LINGO2: variants seen among roughly 807,000 people sequenced by gnomAD.
LINGO2 encodes leucine-rich repeat and immunoglobulin-like domain-containing nogo receptor-interacting protein 2.
Under a neutral mutation model 30.6 loss-of-function variants are expected in LINGO2, and 14 were observed. That is an observed-to-expected ratio of 0.46 (90% CI 0.30 to 0.72). The LOEUF is 0.72. LINGO2 is among the 30% of genes least tolerant of loss of function. The probability of loss-of-function intolerance (pLI) is 0.07; values close to 1 mark genes in which losing one functional copy is unlikely to be tolerated. For missense variants in LINGO2, 729 were observed against 751.7 expected (o/e 0.97, Z 0.35); for synonymous variants, 317 against 288.5 (o/e 1.10, Z -1.00).
intron 4 of LINGO2, among the ~76,000 whole-genome samples, chr9:28,152,312 T>C (rs537876430): frequency 1.3e-5 from 2 of 152,170 alleles, no homozygotes; most frequent in South Asian, 2.1e-4. Flanking sequence ...TCTCTCTCTC[T>C]CTCTCTTGCT....
chr9:28,770,519 T>G, the LINGO2 span, among the ~76,000 whole-genome samples: 399 of 152,316 alleles, frequency 2.6e-3, 1 homozygote, highest in African/African-American at 9.5e-3. Flanking sequence ...CATGAGGGTT[T>G]GGAAAGATCC....
At chr9:28,191,325 T>G (rs1819815728) in intron 4 of LINGO2, among the ~76,000 whole-genome samples, 1 of 152,226 alleles carries the variant, frequency 6.6e-6, no homozygotes, top group African/African-American at 2.4e-5. Context: ...ATATAGTATC[T>G]ATAGTTCATA....
At chr9:28,952,411 C>T in the LINGO2 span, among the ~76,000 whole-genome samples, 16 of 152,206 alleles carry the variant, frequency 1.1e-4, no homozygotes, top group South Asian at 4.1e-4. Flanking sequence ...AAAATGGCTG[C>T]AATAATTCCT....
Position 28,212,154 on chromosome 9 carries a change from A to AT in LINGO2, c.-87+83053dup, listed in dbSNP as rs541546257. Reference sequence around the variant, plus strand: ...TTTCCATCTGAGAAATGGAGATAGTATTTTTAATAAAAGTCCTATGACTGC... The same window carrying AT: ...TTTCCATCTGAGAAATGGAGATAGTATTTTTTAATAAAAGTCCTATGACTGC... On this transcript the variant is annotated intron_variant, in intron 4 of 5. Transcript: ENST00000379992. Among the ~76,000 whole-genome samples, 27 of 151,588 alleles carry AT rather than the reference A, an allele frequency of 1.8e-4. No homozygotes were observed. In the South Asian group the frequency reaches 5.4e-3, roughly 30 times the overall value.
chr9:27,986,129 G>A (rs1821111551), intron 5 of LINGO2, among the ~76,000 whole-genome samples: 1 of 151,308 alleles, frequency 6.6e-6, no homozygotes, highest in African/African-American at 2.4e-5. Context: ...ACAAACCTTG[G>A]GGTGGAGCTG....
chr9:28,427,005 A>G (rs1823441146), intron 2 of LINGO2, among the ~76,000 whole-genome samples: 1 of 152,052 alleles, frequency 6.6e-6, no homozygotes, highest in South Asian at 2.1e-4. Flanking sequence ...CCATAAACGA[A>G]GTCTGGCACT....
At chr9:28,496,716 T>G (rs545852745) in intron 1 of LINGO2, among the ~76,000 whole-genome samples, 71 of 152,282 alleles carry the variant, frequency 4.7e-4, no homozygotes, top group Middle Eastern at 6.8e-3. Flanking sequence ...GTTAGCTGGT[T>G]ATTTTGCTCA....
intron 3 of LINGO2, among the ~76,000 whole-genome samples, chr9:28,305,362 T>G (rs1269642815): frequency 6.6e-6 from 1 of 151,858 alleles, no homozygotes; most frequent in Non-Finnish European, 1.5e-5. Context: ...GTAGTGGAGG[T>G]TCTATCCAGT....
intron 2 of LINGO2, among the ~76,000 whole-genome samples, chr9:28,396,632 A>G (rs1259726624): frequency 7.5e-6 from 1 of 134,074 alleles, no homozygotes; most frequent in East Asian, 2.4e-4. Flanking sequence ...TGAACCCGGG[A>G]GGCGGAGCTT....
At chr9:28,834,512 AT>A in the LINGO2 span, among the ~76,000 whole-genome samples, 1 of 152,192 alleles carries the variant, frequency 6.6e-6, no homozygotes, top group African/African-American at 2.4e-5. Flanking sequence ...TCAAATCCTA[AT>A]AAAAATAATT....
intron 4 of LINGO2, among the ~76,000 whole-genome samples, chr9:28,234,459 G>C (rs1431119579): frequency 6.6e-6 from 1 of 152,232 alleles, no homozygotes; most frequent in Non-Finnish European, 1.5e-5. Flanking sequence ...GTCTGAGACA[G>C]TGTTGCCAAA....
chr9:28,077,339 A>G (rs1825654508), intron 4 of LINGO2, among the ~76,000 whole-genome samples: 1 of 152,202 alleles, frequency 6.6e-6, no homozygotes, highest in Non-Finnish European at 1.5e-5. Flanking sequence ...ATCATGAAAT[A>G]TATTTTCATC....
the LINGO2 span, among the ~76,000 whole-genome samples, chr9:28,990,688 T>C: frequency 6.6e-6 from 1 of 152,112 alleles, no homozygotes; most frequent in Non-Finnish European, 1.5e-5. Flanking sequence ...ACAGCAGCAT[T>C]CGCGGTTCAC....
At chr9:28,614,654 A>G (rs963761023) in intron 1 of LINGO2, among the ~76,000 whole-genome samples, 1 of 152,150 alleles carries the variant, frequency 6.6e-6, no homozygotes, top group African/African-American at 2.4e-5. Flanking sequence ...GGTGAAATTT[A>G]GGTCATAACT....
the LINGO2 span, among the ~76,000 whole-genome samples, chr9:29,033,320 G>A: frequency 3.3e-5 from 5 of 149,538 alleles, no homozygotes; most frequent in Admixed American, 6.8e-5. Flanking sequence ...AAAAACATAG[G>A]AAAAGTTTCT....
intron 2 of LINGO2, among the ~76,000 whole-genome samples, chr9:28,466,650 A>G (rs1279527822): frequency 1.8e-4 from 27 of 152,168 alleles, no homozygotes; most frequent in Admixed American, 1.8e-3. Flanking sequence ...TAGATACCCC[A>G]TTTACTCTGA....
chr9:28,670,661 G>A (rs1189994721), upstream of LINGO2, among the ~76,000 whole-genome samples: 1 of 152,032 alleles, frequency 6.6e-6, no homozygotes, highest in Non-Finnish European at 1.5e-5. Flanking sequence ...AGAAGTAGAG[G>A]GTTTAGCTTT....
chr9:28,243,359 C>T (rs541739851), intron 4 of LINGO2, among the ~76,000 whole-genome samples: 3 of 151,700 alleles, frequency 2.0e-5, no homozygotes, highest in Admixed American at 6.6e-5. Context: ...ACTCAGGAGG[C>T]TGAGGCAGGA....
At chr9:28,661,443 C>T (rs1372529624) in intron 1 of LINGO2, among the ~76,000 whole-genome samples, 5 of 151,994 alleles carry the variant, frequency 3.3e-5, no homozygotes, top group Admixed American at 6.6e-5. Context: ...GCCCATTGAC[C>T]GGCCCATTGA....
Sources: allele counts gnomAD v4.1 joint callset (sites outside exome capture counted in the v4.1 genomes callset), GRCh38; gene constraint gnomAD v4.1.1; transcripts MANE v1.5; gene names NCBI Gene and HGNC (gene_info 2026-07-23, HGNC 2026-07-21).